Variants in AFF4 observed in about 807,000 individuals in gnomAD.
AFF4 encodes the protein AF4/FMR2 family member 4.
A neutral mutation model predicts 124.8 loss-of-function variants in AFF4; 13 were observed. The observed-to-expected ratio is 0.10, with a 90% CI of 0.07 to 0.17. The LOEUF is 0.17. AFF4 is among the 10% of genes least tolerant of loss of function. The pLI, the probability that AFF4 is intolerant of heterozygous loss-of-function variation, is 1.00. For synonymous variants in AFF4, 477 were observed against 496.1 expected (o/e 0.96, Z 0.51); for missense variants, 1,092 against 1,403.8 (o/e 0.78, Z 3.55).
chr5:132,889,372 T>G (rs191469975), intron 13 of AFF4, among the ~76,000 whole-genome samples, 199 bp from the exon 14 acceptor site: 7 of 152,044 alleles, frequency 4.6e-5, no homozygotes, highest in African/African-American at 1.7e-4. Flanking sequence ...AACTGAAATA[T>G]TCATTCTAAT....
chr5:132,928,653 C>G (rs943532446), intron 4 of AFF4, among the ~76,000 whole-genome samples: 3 of 152,090 alleles, frequency 2.0e-5, no homozygotes, highest in Non-Finnish European at 4.4e-5. Context: ...AAATAAATTA[C>G]CAGACATCTA....
intron 4 of AFF4, among the ~76,000 whole-genome samples, chr5:132,928,907 T>G (rs1345702429): frequency 6.6e-6 from 1 of 152,174 alleles, no homozygotes; most frequent in Admixed American, 6.6e-5. Context: ...TTTAATAGAA[T>G]TTCACTTCCT....
chr5:132,957,019 CAAAAAAAAAAAAAAAAA>C (rs1180577709), intron 1 of AFF4, among the ~76,000 whole-genome samples: 5 of 40,790 alleles, frequency 1.2e-4, no homozygotes, highest in Admixed American at 5.2e-4. Context: ...GACTTCGTCT[CAAAAAAAAAAAAAAAAA>C]AAAAAAAAAA....
At chr5:132,900,964 A>G (rs1384455041) in intron 7 of AFF4, 16 of 985,250 alleles carry the variant, frequency 1.6e-5, no homozygotes, top group South Asian at 4.7e-5. Context: ...TCAAAGTTTA[A>G]CCAACATTTC....
chr5:132,925,209 A>C (rs182270436), intron 5 of AFF4, among the ~76,000 whole-genome samples: 1 of 151,876 alleles, frequency 6.6e-6, no homozygotes, highest in East Asian at 1.9e-4. Flanking sequence ...AAATAAATAA[A>C]TACCGGTGCA....
Position 132,934,807 on chromosome 5 carries a change from T to A in AFF4, c.258A>T (p.Ala86=). 6.2e-7 allele frequency: 1 copy of A among 1,614,202 alleles called. No homozygotes were observed. Among genetic ancestry groups the A allele is most frequent in the Non-Finnish European group, 8.5e-7 (1 of 1,180,030 alleles). ...AGAAATTTGGGTTAGATTTTTCATC[T>A]GCTGATGGTGGTACTGTAGGCTTGG... is the stretch of plus-strand genomic sequence containing the variant. ...AIPKPTVPPS[A]DEKSNPNFFE... The change falls in exon 3 of 21, where the codon GCA becomes GCT. Residue 86 remains alanine, a synonymous_variant. Transcript: ENST00000265343.
intron 17 of AFF4, among the ~76,000 whole-genome samples, chr5:132,887,059 A>G (rs1760136992): frequency 6.6e-6 from 1 of 152,222 alleles, no homozygotes; most frequent in South Asian, 2.1e-4. Flanking sequence ...GGGCTGTGTT[A>G]GTCTTCTTCT....
At chr5:132,923,589 G>C (rs1002789689) in intron 5 of AFF4, among the ~76,000 whole-genome samples, 3 of 152,188 alleles carry the variant, frequency 2.0e-5, no homozygotes, top group African/African-American at 7.2e-5. Context: ...CTGGCATGGT[G>C]GTAAGCACCT....
chr5:132,935,987 G>A (rs1761419481), intron 2 of AFF4, among the ~76,000 whole-genome samples: 1 of 151,684 alleles, frequency 6.6e-6, no homozygotes, highest in African/African-American at 2.4e-5. Flanking sequence ...TTAAGTTCCA[G>A]CTGGGCACAG....
At chr5:132,905,106 A>C (rs1760642282) in intron 5 of AFF4, among the ~76,000 whole-genome samples, 1 of 151,902 alleles carries the variant, frequency 6.6e-6, no homozygotes, top group Non-Finnish European at 1.5e-5. Flanking sequence ...CCATATGGAT[A>C]TTTCCATGTC....
At chr5:132,931,957 A>T (rs1761309735) in intron 4 of AFF4, among the ~76,000 whole-genome samples, 1 of 152,068 alleles carries the variant, frequency 6.6e-6, no homozygotes, top group African/African-American at 2.4e-5. Flanking sequence ...AAACAAACAA[A>T]CAACAACAAC....
In AFF4 at chr5:132,897,044, G is replaced by A. The variant is rs188073736; in HGVS notation, c.1586C>T (p.Pro529Leu). The A allele has an allele frequency of 2.5e-4, 408 of 1,614,136 alleles. 1 individual carries two copies. Among genetic ancestry groups the A allele is most frequent in the Admixed American group, 9.3e-4 (56 of 60,020 alleles). The change falls in exon 11 of 21, where the codon CCG becomes CTG. Residue 529 changes from proline to leucine, a missense_variant. By Grantham distance (98) the Pro-to-Leu change is moderately conservative. Transcript: ENST00000265343. The stretch of plus-strand genomic sequence containing the variant: ...TTGGATGGTTTTGGAGTCTCGTCCC[G>A]GAGTAGCGGAACTCGTTTCTTTAGG... ...SGPKETSSAT[P>L]GRDSKTIQKG...
At chr5:132,885,158 C>T (rs1488335598) in intron 18 of AFF4, 39 bp from the exon 19 acceptor site, 13 of 1,451,112 alleles carry the variant, frequency 9.0e-6, no homozygotes, top group Non-Finnish European at 1.2e-5. Context: ...ACAACAAAAA[C>T]CACCACTACT....
intron 14 of AFF4, 94 bp from the exon 15 acceptor site, chr5:132,888,254 C>A (rs1760166586): frequency 2.2e-6 from 2 of 892,026 alleles, no homozygotes; most frequent in South Asian, 2.0e-5. Context: ...TTTATGTCCT[C>A]AAGCAAAGAA....
At chr5:132,936,266 C>CAAAAAAA (rs747936348) in intron 2 of AFF4, among the ~76,000 whole-genome samples, 1 of 45,456 alleles carries the variant, frequency 2.2e-5, no homozygotes, top group African/African-American at 8.8e-5. Flanking sequence ...GACTCCGTCT[C>CAAAAAAA]AAAAAAAAAA....
rs1759883505 is a variant in AFF4, at chr5:132,878,063, T to G, written c.*2996A>C. 4.5e-6 allele frequency: 1 copy of G among 223,554 alleles called. No individual in the cohort carries two copies. The highest frequency in any genetic ancestry group is 8.9e-6 in the Non-Finnish European group (1 of 112,000). 13.8% of individuals were successfully genotyped at this position (223,554 alleles called of 1,614,324 possible). ...GTAGCTGTAAGTTTATCTGAAGTAC[T>G]CACTGCATATAAAGTCACTTCTTGG... is the stretch of plus-strand genomic sequence containing the variant. On this transcript the variant is annotated 3_prime_UTR_variant, in exon 21 of 21. Coordinates refer to ENST00000265343, the MANE Select transcript of AFF4 (RefSeq NM_014423.4).
chr5:132,922,376 C>T (rs1333058492), intron 5 of AFF4, among the ~76,000 whole-genome samples: 1 of 151,836 alleles, frequency 6.6e-6, no homozygotes, highest in Non-Finnish European at 1.5e-5. Flanking sequence ...CATGATCATG[C>T]CACTGCACTC....
At chr5:132,913,110 G>A (rs1760831811) in intron 5 of AFF4, among the ~76,000 whole-genome samples, 1 of 152,050 alleles carries the variant, frequency 6.6e-6, no homozygotes, top group Admixed American at 6.5e-5. Flanking sequence ...ACTATACCAT[G>A]CTAACATTAA....
At chr5:132,882,877 C>A (rs1039347807) in intron 20 of AFF4, among the ~76,000 whole-genome samples, 1 of 110,766 alleles carries the variant, frequency 9.0e-6, no homozygotes. Flanking sequence ...AAAAAAATTT[C>A]TATTCATTCC....
Sources: allele counts gnomAD v4.1 joint callset (sites outside exome capture counted in the v4.1 genomes callset), GRCh38; gene constraint gnomAD v4.1.1; transcripts MANE v1.5; gene names NCBI Gene and HGNC (gene_info 2026-07-23, HGNC 2026-07-21).